PRKN: variants seen among roughly 807,000 people sequenced by gnomAD.
PRKN encodes the protein E3 ubiquitin-protein ligase parkin.
PRKN carries 56 observed loss-of-function variants against 59.5 expected under a neutral mutation model. That is an observed-to-expected ratio of 0.94 (90% confidence interval 0.76 to 1.18). PRKN has a LOEUF of 1.18. PRKN is among the 50% of genes most tolerant of loss of function. PRKN has a pLI of 0.00. For missense variants in PRKN, 657 were observed against 596.4 expected, an observed-to-expected ratio of 1.10 and a Z score of -1.06; for synonymous variants, 250 against 222.1, an observed-to-expected ratio of 1.13 and a Z score of -1.12.
chr6:162,176,391 T>A, intron 4 of PRKN, among the ~76,000 whole-genome samples: 1 of 152,202 alleles, frequency 6.6e-6, no homozygotes, highest in Non-Finnish European at 1.5e-5. Context: ...GTCTCGTGGA[T>A]AATACCAAAT....
At chr6:161,976,252 C>G (rs551612466) in intron 5 of PRKN, among the ~76,000 whole-genome samples, 1 of 152,134 alleles carries the variant, frequency 6.6e-6, no homozygotes, top group Non-Finnish European at 1.5e-5. Context: ...GATTTGGAAC[C>G]CAGGCTATTC....
chr6:161,771,355 CAAAAA>C (rs1208813487), intron 7 of PRKN, among the ~76,000 whole-genome samples: 2 of 20,714 alleles, frequency 9.7e-5, no homozygotes, highest in Non-Finnish European at 3.5e-4. Context: ...GACTCCACCT[CAAAAA>C]AAAAAAAAAA....
rs1554245393 is a variant in PRKN at position 161,902,524 on chromosome 6, G to GACTATCTA, written c.734+70777_734+70778insTAGATAGT. 7.6e-3 allele frequency among the ~76,000 whole-genome samples: 1,017 copies of GACTATCTA among 133,008 alleles called. 11 individuals carry two copies. Among genetic ancestry groups the GACTATCTA allele is most frequent in the Middle Eastern group, 0.028 (7 of 248 alleles). 87.3% of individuals were successfully genotyped at this position (133,008 alleles called of 152,430 possible). On this transcript the variant is annotated intron_variant, in intron 6 of 11. Coordinates refer to ENST00000366898, the MANE Select transcript of PRKN (RefSeq NM_004562.3). ...GTGTGTGTAAATGTAATAGACATCC[G>GACTATCTA]TCTATCTATCTATCTATCTATCTAT... is the stretch of plus-strand genomic sequence containing the variant.
intron 2 of PRKN, among the ~76,000 whole-genome samples, chr6:162,294,535 C>T (rs577534719): frequency 1.3e-5 from 2 of 152,156 alleles, no homozygotes; most frequent in Non-Finnish European, 2.9e-5. Flanking sequence ...CAACTGCCCA[C>T]AGGACTGAGT....
intron 6 of PRKN, among the ~76,000 whole-genome samples, chr6:161,959,549 C>T (rs1780304299): frequency 6.6e-6 from 1 of 152,106 alleles, no homozygotes; most frequent in Non-Finnish European, 1.5e-5. Flanking sequence ...CAATTTCTTC[C>T]AAAACTACTT....
At chr6:162,636,101 G>T (rs1777700699) in intron 1 of PRKN, among the ~76,000 whole-genome samples, 1 of 151,944 alleles carries the variant, frequency 6.6e-6, no homozygotes, top group Non-Finnish European at 1.5e-5. Context: ...TATTCTGAAG[G>T]CACTTGCCAA....
intron 1 of PRKN, among the ~76,000 whole-genome samples, chr6:162,584,789 T>C (rs1413075283): frequency 1.2e-4 from 1 of 8,232 alleles, no homozygotes; most frequent in African/African-American, 1.3e-3. Context: ...TCCTCTCCTC[T>C]CCCCTCCCCT....
intron 3 of PRKN, among the ~76,000 whole-genome samples, chr6:162,254,397 C>T (rs1253984961): frequency 6.7e-6 from 1 of 149,692 alleles, no homozygotes; most frequent in Non-Finnish European, 1.5e-5. Flanking sequence ...GTGGGGGTTG[C>T]ATTGAGCTGA....
At chr6:161,648,847 T>C (rs1486591962) in intron 7 of PRKN, among the ~76,000 whole-genome samples, 3 of 152,152 alleles carry the variant, frequency 2.0e-5, no homozygotes, top group Non-Finnish European at 2.9e-5. Flanking sequence ...GAGTCAACCA[T>C]GAACTTGGAA....
At chr6:161,958,261 C>T (rs776740327) in intron 6 of PRKN, among the ~76,000 whole-genome samples, 16 of 152,070 alleles carry the variant, frequency 1.1e-4, no homozygotes, top group Non-Finnish European at 1.9e-4. Context: ...AAATTTTTAG[C>T]GCAATAATTG....
In PRKN at chr6:161,785,825, T is replaced by C. The variant is rs373750972; in HGVS notation, c.818A>G (p.Asn273Ser). The change falls in exon 7 of 12, where the codon AAT becomes AGT. Residue 273 changes from asparagine (N) to serine (S), a missense_variant. By Grantham distance (46) the Asn-to-Ser change is conservative. Coordinates refer to ENST00000366898, the MANE Select transcript of PRKN (RefSeq NM_004562.3). ...AGGGTCGTGAACAAACTGCCGATCATTGAGTCTTGTCACACAGTATAAGTG... is the reference window on the plus strand; with the variant it reads ...AGGGTCGTGAACAAACTGCCGATCACTGAGTCTTGTCACACAGTATAAGTG... ...CFHLYCVTRL[N>S]DRQFVHDPQL... The C allele has an allele frequency of 5.4e-5, 87 of 1,614,010 alleles. No homozygotes were observed. Among genetic ancestry groups the C allele is most frequent in the East Asian group, 8.9e-5 (4 of 44,888 alleles).
At chr6:162,141,308 G>T (rs1275653957) in intron 4 of PRKN, among the ~76,000 whole-genome samples, 1 of 152,034 alleles carries the variant, frequency 6.6e-6, no homozygotes, top group Non-Finnish European at 1.5e-5. Context: ...ATTATCAAAA[G>T]TATCTAAGAT....
Position 161,542,579 on chromosome 6 carries a change from T to C in PRKN, c.1083+6275A>G, listed in dbSNP as rs181416389. Among the ~76,000 whole-genome samples the C allele has an allele frequency of 3.2e-4, 49 of 152,366 alleles. No homozygotes were observed. In the East Asian group the frequency reaches 8.9e-3, roughly 28 times the overall value. ...TTTCCAATCTGCAAATGAGCTGATC[T>C]TAGAGTTTAAATTAGATTTTTGGAC... On this transcript the variant is annotated intron_variant, in intron 9 of 11. Coordinates refer to ENST00000366898, the MANE Select transcript of PRKN (RefSeq NM_004562.3).
intron 1 of PRKN, among the ~76,000 whole-genome samples, chr6:162,704,793 A>G (rs1407302577): frequency 6.6e-6 from 1 of 152,192 alleles, no homozygotes; most frequent in Non-Finnish European, 1.5e-5. Flanking sequence ...TCTAACACAC[A>G]GCAGGTGTGC....
chr6:162,159,251 T>C (rs1021948896), intron 4 of PRKN, among the ~76,000 whole-genome samples: 4 of 152,236 alleles, frequency 2.6e-5, no homozygotes, highest in Non-Finnish European at 5.9e-5. Flanking sequence ...TACGTGAGCA[T>C]TGCTTTTCTA....
chr6:162,116,071 C>T (rs6913155), intron 4 of PRKN, among the ~76,000 whole-genome samples: 61,375 of 151,978 alleles, frequency 0.4, 13,300 homozygotes, highest in African/African-American at 0.56. Context: ...TCCTTATTTG[C>T]AGATCAAATT....
At chr6:161,692,665 G>C (rs1207351945) in intron 7 of PRKN, among the ~76,000 whole-genome samples, 1 of 152,248 alleles carries the variant, frequency 6.6e-6, no homozygotes, top group Non-Finnish European at 1.5e-5. Flanking sequence ...CCAGCACTGG[G>C]AGGCTGAGGG....
Position 162,440,523 on chromosome 6 carries a change from A to G in PRKN, c.171+2787T>C, listed in dbSNP as rs115305192. ...TTTCCTAGGACACTCCCAACATATAATTTTGTCCTGGAATAATTATTGACA... is the reference window on the plus strand; with the variant it reads ...TTTCCTAGGACACTCCCAACATATAGTTTTGTCCTGGAATAATTATTGACA... On this transcript the variant is annotated intron_variant, in intron 2 of 11. Transcript: ENST00000366898. Among the ~76,000 whole-genome samples, 1,351 of 152,202 alleles carry G rather than the reference A, an allele frequency of 8.9e-3. 27 individuals carry two copies. The highest frequency in any genetic ancestry group is 0.031 in the African/African-American group (1,273 of 41,520).
In PRKN at chr6:161,575,792, T is replaced by C. The variant is rs1181451678; in HGVS notation, c.872-6376A>G. 6.6e-6 allele frequency among the ~76,000 whole-genome samples: 1 copy of C among 152,236 alleles called. No individual in the cohort carries two copies. Among genetic ancestry groups the C allele is most frequent in the African/African-American group, 2.4e-5 (1 of 41,464 alleles). On this transcript the variant is annotated intron_variant, in intron 7 of 11. Transcript: ENST00000366898. This position sits in a 1 kb window ranked among gnomAD's most constrained non-coding sequence, Gnocchi z 4.6. ...TGAGGATTAATTTCTCTCTCGGCTA[T>C]AGCTTAGAATCCCTAATGTGGGCTT...
Sources: allele counts gnomAD v4.1 joint callset (sites outside exome capture counted in the v4.1 genomes callset), GRCh38; gene constraint gnomAD v4.1.1; non-coding constraint Gnocchi (gnomAD v3.1); transcripts MANE v1.5; gene names NCBI Gene and HGNC (gene_info 2026-07-23, HGNC 2026-07-21).